Variants in CYP4F11 observed in about 807,000 individuals in gnomAD.
CYP4F11 encodes cytochrome P450 family 4 subfamily F member 11, also known as cytochrome P450 4F11.
In CYP4F11, 79 loss-of-function variants were observed where a neutral mutation model predicts 62.2. The ratio of observed to expected loss-of-function variants is 1.27; its 90% confidence interval spans 1.06 to 1.53. The LOEUF (loss-of-function observed/expected upper bound fraction) is 1.53. Ranked by LOEUF, CYP4F11 falls within the 40% of genes most tolerant of loss-of-function variation. CYP4F11 has a pLI of 0.00. For missense variants in CYP4F11, 777 were observed against 680.5 expected, an observed-to-expected ratio of 1.14 and a Z score of -1.58; for synonymous variants, 290 against 263.7, an observed-to-expected ratio of 1.10 and a Z score of -0.97.
In CYP4F11 at chr19:15,912,678, A is replaced by ATATAT. The variant is rs59298519; in HGVS notation, c.*1053_*1054insATATA. The ATATAT allele has an allele frequency of 9.6e-3, 503 of 52,554 alleles. 16 individuals carry two copies. The highest frequency in any genetic ancestry group is 0.028 in the African/African-American group (424 of 14,952). 3.3% of individuals were successfully genotyped at this position (52,554 alleles called of 1,614,324 possible). On this transcript the variant is annotated 3_prime_UTR_variant, in exon 12 of 12. Transcript: ENST00000402119. ...CTTCACCATCCTCAGGAAAAAAAAA[A>ATATAT]AAATATATATATATATATATGTGTG... is the stretch of plus-strand genomic sequence containing the variant.
rs1272452764 is a variant in CYP4F11 at position 15,927,070 on chromosome 19, A to G, written c.525+142T>C. The G allele has an allele frequency of 1.1e-5, 10 of 951,400 alleles. No individual in the cohort carries two copies. The African/African-American group carries it at 1.7e-4, about 16-fold the overall frequency. The allele number at this position is 951,400 out of a possible 1,614,324, so 58.9% of individuals were successfully genotyped here. On this transcript the variant is annotated intron_variant, in intron 4 of 11. Coordinates refer to ENST00000402119, the MANE Select transcript of CYP4F11 (RefSeq NM_021187.4). Reference sequence around the variant, plus strand: ...TACCACCTTTTAAGTAGAGATTGTTATTCCCATTTTACAGATAGGGAAACC... The same window carrying G: ...TACCACCTTTTAAGTAGAGATTGTTGTTCCCATTTTACAGATAGGGAAACC...
In CYP4F11 at chr19:15,934,395, C is replaced by T. The variant is rs2089761038; in HGVS notation, c.14G>A (p.Ser5Asn). Residue 5 changes from serine to asparagine, a missense_variant, in exon 1 of 12, where the codon AGC becomes AAC. Physicochemically the swap from Ser to Asn is conservative, Grantham distance 46 (BLOSUM62 1). Coordinates refer to ENST00000402119, the MANE Select transcript of CYP4F11 (RefSeq NM_021187.4). ...GGGCCCGAGGCCCAGCCAGGACAGG[C>T]TCAGCTGCGGCATCCTGCAGGGCAG... is the stretch of plus-strand genomic sequence containing the variant. MPQL[S>N]LSWLGLGPVA... The T allele has an allele frequency of 6.2e-7, 1 of 1,613,170 alleles. No individual in the cohort carries two copies. Among genetic ancestry groups the T allele is most frequent in the Non-Finnish European group, 8.5e-7 (1 of 1,179,656 alleles).
chr19:15,923,846 G>T lies in CYP4F11; in HGVS notation c.884C>A (p.Thr295Asn), dbSNP rs755605931. Residue 295 changes from threonine (T) to asparagine (N), a missense_variant, in exon 6 of 12, where the codon ACT (threonine) becomes AAT (asparagine). Transcript: ENST00000402119. ...CAGAAGCACATCAATGAAGTCTAAA[G>T]TCTTGGACTTTGCCTTGTTCTTGAG... ...DFLKNKAKSK[T>N]LDFIDVLLLS... is the part of the protein sequence containing the mutation. 7 of 1,614,126 alleles carry T rather than the reference G, an allele frequency of 4.3e-6. No homozygotes were observed. The East Asian group carries it at 1.6e-4, about 36-fold the overall frequency.
chr19:15,916,740 A>G (rs2089586173), intron 8 of CYP4F11, among the ~76,000 whole-genome samples: 1 of 144,372 alleles, frequency 6.9e-6, no homozygotes, highest in African/African-American at 2.5e-5. Context: ...CTACTTCTGC[A>G]AGAATAACCA....
At chr19:15,934,025 C>CGGGG (rs2089754250) in intron 1 of CYP4F11, among the ~76,000 whole-genome samples, 186 bp downstream of exon 1, 4 of 23,614 alleles carry the variant, frequency 1.7e-4, no homozygotes, top group Non-Finnish European at 3.1e-4. Flanking sequence ...AGTGAGTGGG[C>CGGGG]AGAGGAATGA....
Position 15,927,200 on chromosome 19 carries a change from C to T in CYP4F11, c.525+12G>A, listed in dbSNP as rs2089675362. On this transcript the variant is annotated intron_variant, in intron 4 of 11. Transcript: ENST00000402119. ...AAGGCTCCAGCTGGGACCCAGAGTT[C>T]AAGGGACTCACGTGCATGATGTTCA... 1.2e-6 allele frequency: 2 copies of T among 1,612,582 alleles called. No homozygotes were observed. The highest frequency in any genetic ancestry group is 1.7e-6 in the Non-Finnish European group (2 of 1,179,078).
intron 4 of CYP4F11, 50 bp from the exon 5 acceptor site, chr19:15,924,932 A>G: frequency 1.3e-6 from 2 of 1,562,152 alleles, no homozygotes; most frequent in Non-Finnish European, 1.7e-6. Context: ...TCCTGGGAGC[A>G]CCTTCCCAGA....
intron 2 of CYP4F11, chr19:15,927,704 C>G: frequency 1.7e-6 from 1 of 598,052 alleles, no homozygotes; most frequent in Non-Finnish European, 3.0e-6. Context: ...TGCCCCAGCA[C>G]ACAGTGACAT....
chr19:15,934,140 G>T, intron 1 of CYP4F11, 71 bp downstream of exon 1: 1 of 1,538,220 alleles, frequency 6.5e-7, no homozygotes, highest in Non-Finnish European at 8.9e-7. Context: ...CCAGCTCCCT[G>T]AGCCCCATTC....
Position 15,924,224 on chromosome 19 carries a change from C to G in CYP4F11, c.648-142G>C, listed in dbSNP as rs151338784. 786 of 1,066,446 alleles carry G rather than the reference C, an allele frequency of 7.4e-4. 7 individuals are homozygous for G. In the African/African-American group the frequency reaches 0.011, roughly 15 times the overall value. The allele number at this position is 1,066,446 out of a possible 1,614,324, so 66.1% of individuals were successfully genotyped here. A position where few individuals can be genotyped will look rare whatever the true frequency, so the allele number is the denominator to read the frequency against. On this transcript the variant is annotated intron_variant, in intron 5 of 11. Coordinates refer to ENST00000402119, the MANE Select transcript of CYP4F11 (RefSeq NM_021187.4). ...ACTCTCCAAACTCTCTTCTCTGAGG[C>G]ATTCCATCTCTGAGAGCTGCCTCCA...
intron 4 of CYP4F11, among the ~76,000 whole-genome samples, chr19:15,925,638 A>G (rs2089662820): frequency 6.6e-6 from 1 of 151,732 alleles, no homozygotes; most frequent in African/African-American, 2.4e-5. Flanking sequence ...CCTACGTAAC[A>G]AACCTGCACG....
chr19:15,921,929 C>T, intron 8 of CYP4F11, 108 bp downstream of exon 8: 1 of 1,370,866 alleles, frequency 7.3e-7, no homozygotes, highest in East Asian at 2.5e-5. Flanking sequence ...GCACCGATTC[C>T]CACTAAGCGA....
At chr19:15,928,776 G>A (rs1426424096) in intron 2 of CYP4F11, among the ~76,000 whole-genome samples, 1 of 152,178 alleles carries the variant, frequency 6.6e-6, no homozygotes, top group Admixed American at 6.5e-5. Context: ...ACTGGGGTGG[G>A]ATCTCCTACT....
chr19:15,914,863 AT>A lies in CYP4F11; in HGVS notation c.1147del (p.Met383CysfsTer96). The A allele has an allele frequency of 6.2e-7, 1 of 1,614,154 alleles. No homozygotes were observed. ...DDLAQLPFLT[M>X]CIKESLRLHP... ...CAACCGCAGGCTCTCCTTAATGCAC[AT>A]GGTCAGGAAGGGCAGCTGGGCCAGG... On this transcript the variant is annotated frameshift_variant, in exon 9 of 12. Transcript: ENST00000402119. LOFTEE classifies it high-confidence loss of function.
At chr19:15,925,811 T>C (rs565336243) in intron 4 of CYP4F11, among the ~76,000 whole-genome samples, 120 of 149,224 alleles carry the variant, frequency 8.0e-4, no homozygotes, top group African/African-American at 2.9e-3. Flanking sequence ...AGAACAACAT[T>C]GAGAGATAAG....
At chr19:15,919,960 C>T (rs1437536968) in intron 8 of CYP4F11, among the ~76,000 whole-genome samples, 4 of 152,072 alleles carry the variant, frequency 2.6e-5, no homozygotes, top group Non-Finnish European at 4.4e-5. Flanking sequence ...TCAAAGGGTA[C>T]AAGTTTCCAT....
At chr19:15,926,952 T>C (rs567326517) in intron 4 of CYP4F11, among the ~76,000 whole-genome samples, 18 of 152,344 alleles carry the variant, frequency 1.2e-4, no homozygotes, top group African/African-American at 4.3e-4. Context: ...GCAATCTTGA[T>C]CTTTACTCTC....
intron 1 of CYP4F11, 62 bp from the exon 2 acceptor site, chr19:15,929,663 T>C (rs4808414): frequency 0.59 from 894,539 of 1,515,022 alleles, 267,594 homozygotes; most frequent in Non-Finnish European, 0.61. Context: ...CCTGAATTAA[T>C]CATGAATTCC....
intron 6 of CYP4F11, among the ~76,000 whole-genome samples, chr19:15,923,296 T>G (rs562375963): frequency 3.4e-5 from 5 of 148,822 alleles, no homozygotes; most frequent in Middle Eastern, 3.4e-3. Flanking sequence ...ATTCCCACTC[T>G]CGCCCTGGAA....
Sources: gnomAD v4.1 joint callset for allele counts (sites outside exome capture counted in the v4.1 genomes callset) on GRCh38, gnomAD v4.1.1 for gene constraint, MANE v1.5 for transcripts, NCBI Gene and HGNC (gene_info 2026-07-23, HGNC 2026-07-21) for gene names.